OR6P1: variants seen among roughly 807,000 people sequenced by gnomAD.
OR6P1 encodes olfactory receptor family 6 subfamily P member 1, also known as olfactory receptor 6P1.
In OR6P1, 5 loss-of-function variants were observed where a neutral mutation model predicts 6.6. That is an observed-to-expected ratio of 0.76 (90% CI 0.40 to 1.60). OR6P1 has a LOEUF of 1.60. OR6P1 is among the 40% of genes most tolerant of loss of function. The pLI, the probability that OR6P1 is intolerant of heterozygous loss-of-function variation, is 0.02. For missense variants in OR6P1, 451 were observed against 383.0 expected (o/e 1.18, Z -1.48); for synonymous variants, 177 against 149.6 (o/e 1.18, Z -1.33).
At chr1:158,570,201 A>G (rs1175088917) in intron 1 of OR6P1, among the ~76,000 whole-genome samples, 1 of 152,144 alleles carries the variant, frequency 6.6e-6, no homozygotes, top group Non-Finnish European at 1.5e-5. Flanking sequence ...CCTCATTGCC[A>G]CTTAAAAAAA....
Position 158,563,088 on chromosome 1 carries a change from T to C in OR6P1, c.517A>G (p.Ile173Val). The C allele has an allele frequency of 1.3e-6, 2 of 1,551,738 alleles. No homozygotes were observed. Among genetic ancestry groups the C allele is most frequent in the African/African-American group, 2.7e-5 (2 of 73,094 alleles). The change falls in exon 3 of 3, where the codon ATT (isoleucine) becomes GTT (valine). Residue 173 changes from isoleucine (I) to valine (V), a missense_variant. Physicochemically the swap from Ile to Val is conservative, Grantham distance 29. Transcript: ENST00000641540. ...ATATCACAGAAAAAGTGGTTGATAA[T>C]GTTGGGTCCACAGTAGGACAATTGG... ...ISQLSYCGPN[I>V]INHFFCDISP...
Position 158,562,434 on chromosome 1 carries a change from C to T in OR6P1, c.*217G>A. The T allele has an allele frequency of 1.9e-6, 1 of 521,940 alleles. No individual in the cohort carries two copies. The highest frequency in any genetic ancestry group is 2.3e-5 in the South Asian group (1 of 42,996). The allele number at this position is 521,940 out of a possible 1,614,324, so 32.3% of individuals were successfully genotyped here. ...GGGGGAATCTGTATTTTAACAAATT[C>T]CCAGGTGATTCTTCTGTAGCTAGTC... On this transcript the variant is annotated 3_prime_UTR_variant, in exon 3 of 3. Coordinates refer to ENST00000641540, the MANE Select transcript of OR6P1 (RefSeq NM_001160325.2).
intron 1 of OR6P1, among the ~76,000 whole-genome samples, chr1:158,568,753 C>A (rs968076886): frequency 4.6e-5 from 7 of 152,104 alleles, no homozygotes; most frequent in African/African-American, 1.7e-4. Context: ...GTCTTTTGCA[C>A]ATGAATAAAC....
At chr1:158,568,595 G>A (rs887751848) in intron 1 of OR6P1, among the ~76,000 whole-genome samples, 3 of 152,090 alleles carry the variant, frequency 2.0e-5, no homozygotes, top group African/African-American at 7.2e-5. Flanking sequence ...AGATGATATT[G>A]ATGCTATTGT....
chr1:158,564,879 A>G (rs1479776183), intron 2 of OR6P1, among the ~76,000 whole-genome samples: 1 of 152,206 alleles, frequency 6.6e-6, no homozygotes, highest in African/African-American at 2.4e-5. Flanking sequence ...TAACATTGTC[A>G]GTGACCTGAC....
chr1:158,565,962 C>A (rs1408311436), intron 2 of OR6P1, among the ~76,000 whole-genome samples: 1 of 152,162 alleles, frequency 6.6e-6, no homozygotes, highest in South Asian at 2.1e-4. Context: ...ACTTGATTAG[C>A]TTCTATTTCA....
intron 2 of OR6P1, among the ~76,000 whole-genome samples, chr1:158,563,993 T>C (rs944158231): frequency 6.6e-6 from 1 of 152,104 alleles, no homozygotes; most frequent in East Asian, 1.9e-4. Context: ...AATGAGGGAA[T>C]AAAAGAAAGT....
Position 158,562,499 on chromosome 1 carries a change from C to T in OR6P1, c.*152G>A. ...AAACCCCTGTAAAAAATAAATGATT[C>T]ATAAAGTTTCATTTGTATCAGAAGG... On this transcript the variant is annotated 3_prime_UTR_variant, in exon 3 of 3. Coordinates refer to ENST00000641540, the MANE Select transcript of OR6P1 (RefSeq NM_001160325.2). The T allele has an allele frequency of 1.7e-6, 1 of 599,224 alleles. No homozygotes were observed. The highest frequency in any genetic ancestry group is 2.8e-5 in the East Asian group (1 of 35,772). 37.1% of individuals were successfully genotyped at this position (599,224 alleles called of 1,614,324 possible). A position where few individuals can be genotyped will look rare whatever the true frequency, so the allele number is the denominator to read the frequency against.
At position 158,561,967 on chromosome 1, in the gene OR6P1, G is replaced by C. The variant is rs1388209301; in HGVS notation, c.*684C>G. ...TGGTCAATATTTGTTAGGTCAACCA[G>C]CTTTACATGCCCCTGAGATTCAAAG... is the stretch of plus-strand genomic sequence containing the variant. On this transcript the variant is annotated 3_prime_UTR_variant, in exon 3 of 3. Coordinates refer to ENST00000641540, the MANE Select transcript of OR6P1 (RefSeq NM_001160325.2). 6.6e-6 allele frequency: 1 copy of C among 152,276 alleles called. No homozygotes were observed. The allele number at this position is 152,276 out of a possible 1,614,324, so 9.4% of individuals were successfully genotyped here. A position where few individuals can be genotyped will look rare whatever the true frequency, so the allele number is the denominator to read the frequency against.
intron 2 of OR6P1, among the ~76,000 whole-genome samples, chr1:158,564,490 C>A (rs1028376228): frequency 1.5e-4 from 23 of 152,054 alleles, no homozygotes; most frequent in African/African-American, 5.6e-4. Flanking sequence ...AACGGACACA[C>A]AGAGGAGAAG....
In OR6P1 at chr1:158,562,880, G is replaced by C. The variant is rs1557899749; in HGVS notation, c.725C>G (p.Ala242Gly). 3.9e-6 allele frequency: 6 copies of C among 1,551,894 alleles called. No individual in the cohort carries two copies. The highest frequency in any genetic ancestry group is 3.5e-6 in the Non-Finnish European group (4 of 1,147,070). ...GATAACAACCACTGCCAGATGAGCGGCACAAGTGGAAAAGGCTTTGTGGCG... is the reference window on the plus strand; with the variant it reads ...GATAACAACCACTGCCAGATGAGCGCCACAAGTGGAAAAGGCTTTGTGGCG... ...RGRHKAFSTC[A>G]AHLAVVVIYY... is the part of the protein sequence containing the mutation. The change falls in exon 3 of 3, where the codon GCC (alanine) becomes GGC (glycine). Residue 242 changes from alanine (A) to glycine (G), a missense_variant. By Grantham distance (60) the Ala-to-Gly change is moderately conservative. Transcript: ENST00000641540.
At position 158,570,099 on chromosome 1, in the gene OR6P1, T is replaced by C. The variant is rs12045270; in HGVS notation, c.-118+343A>G. On this transcript the variant is annotated intron_variant, in intron 1 of 2. Coordinates refer to ENST00000641540, the MANE Select transcript of OR6P1 (RefSeq NM_001160325.2). ...AAACACACAAAGATTGGCTTCTGCC[T>C]CTCTTATCATGGCTTTCTGCTTTCT... is the stretch of plus-strand genomic sequence containing the variant. Among the ~76,000 whole-genome samples, 338 of 152,332 alleles carry C rather than the reference T, an allele frequency of 2.2e-3. 8 individuals are homozygous for C. In the East Asian group the frequency reaches 0.061, roughly 27 times the overall value.
chr1:158,565,996 C>A (rs1170744851), intron 2 of OR6P1, among the ~76,000 whole-genome samples: 3 of 152,148 alleles, frequency 2.0e-5, no homozygotes, highest in Admixed American at 2.0e-4. Context: ...AAATAGATTG[C>A]AAACCACTGA....
In OR6P1 at chr1:158,563,092, G is replaced by A; in HGVS notation, c.513C>T (p.Pro171=). 6.4e-7 allele frequency: 1 copy of A among 1,551,792 alleles called. No homozygotes were observed. Among genetic ancestry groups the A allele is most frequent in the Non-Finnish European group, 8.7e-7 (1 of 1,147,044 alleles). ...CACAGAAAAAGTGGTTGATAATGTTGGGTCCACAGTAGGACAATTGGGAAA... is the reference window on the plus strand; with the variant it reads ...CACAGAAAAAGTGGTTGATAATGTTAGGTCCACAGTAGGACAATTGGGAAA... The part of the protein sequence containing the change: ...LFISQLSYCG[P]NIINHFFCDI... The change falls in exon 3 of 3, where the codon CCC becomes CCT. Residue 171 remains proline, a synonymous_variant. Transcript: ENST00000641540.
rs1648127898 is a variant in OR6P1 at position 158,567,521 on chromosome 1, A to G, written c.-117-663T>C. ...GACATGGATGAAATTGGAAATCATC[A>G]TTCTCAGTAAACTATCGCAAGAACA... On this transcript the variant is annotated intron_variant, in intron 1 of 2. Coordinates refer to ENST00000641540, the MANE Select transcript of OR6P1 (RefSeq NM_001160325.2). Among the ~76,000 whole-genome samples the G allele has an allele frequency of 2.7e-5, 4 of 148,000 alleles. No homozygotes were observed. In the South Asian group the frequency reaches 8.8e-4, roughly 33 times the overall value.
Position 158,562,617 on chromosome 1 carries a change from T to C in OR6P1, c.*34A>G, listed in dbSNP as rs1164787982. On this transcript the variant is annotated 3_prime_UTR_variant, in exon 3 of 3. Transcript: ENST00000641540. ...CCTTGAGGAGGCCCTATTAAGATTC[T>C]GCTATTTTCACCTCTCCCAAGACCT... 3.9e-6 allele frequency: 5 copies of C among 1,271,660 alleles called. No individual in the cohort carries two copies. Among genetic ancestry groups the C allele is most frequent in the African/African-American group, 1.5e-5 (1 of 67,588 alleles). The allele number at this position is 1,271,660 out of a possible 1,614,324, so 78.8% of individuals were successfully genotyped here. A position where few individuals can be genotyped will look rare whatever the true frequency, so the allele number is the denominator to read the frequency against.
chr1:158,562,818 G>C lies in OR6P1; in HGVS notation c.787C>G (p.Arg263Gly), dbSNP rs368930456. The C allele has an allele frequency of 6.4e-7, 1 of 1,552,062 alleles. No individual in the cohort carries two copies. The highest frequency in any genetic ancestry group is 8.7e-7 in the Non-Finnish European group (1 of 1,147,100). ...TTGTGGTTGAAGGTGTACATGGCCC[G>C]GGGCCGTGCATAGGTGAAGAGAGTG... ...SSTLFTYARP[R>G]AMYTFNHNKI... Residue 263 changes from arginine (R) to glycine (G), a missense_variant, in exon 3 of 3, where the codon CGG (arginine) becomes GGG (glycine). Transcript: ENST00000641540.
intron 2 of OR6P1, among the ~76,000 whole-genome samples, chr1:158,564,774 A>G (rs1169172369): frequency 1.3e-5 from 2 of 152,236 alleles, no homozygotes; most frequent in Non-Finnish European, 2.9e-5. Context: ...AGTTTGTTAC[A>G]GTAGCCATGG....
At chr1:158,566,071 G>A (rs1648090243) in intron 2 of OR6P1, among the ~76,000 whole-genome samples, 1 of 152,082 alleles carries the variant, frequency 6.6e-6, no homozygotes, top group Non-Finnish European at 1.5e-5. Flanking sequence ...ATTGGCAATG[G>A]CATTAACTTA....
Sources: gnomAD v4.1 joint callset for allele counts (sites outside exome capture counted in the v4.1 genomes callset) on GRCh38, gnomAD v4.1.1 for gene constraint, MANE v1.5 for transcripts, NCBI Gene and HGNC (gene_info 2026-07-23, HGNC 2026-07-21) for gene names.